The following PCDH17 variants were observed in gnomAD, a reference collection of about 807,000 sequenced individuals.
PCDH17 encodes the protein protocadherin 17, also known as protocadherin-17.
PCDH17 carries 21 observed loss-of-function variants against 67.7 expected under a neutral mutation model. The ratio of observed to expected loss-of-function variants is 0.31; its 90% CI spans 0.22 to 0.45. The LOEUF is 0.45. Ranked by LOEUF, PCDH17 falls within the 20% of genes least tolerant of loss-of-function variation. The pLI is 1.00. For synonymous variants in PCDH17, 701 were observed against 656.7 expected, an observed-to-expected ratio of 1.07 and a Z score of -1.03; for missense variants, 1,471 against 1,564.8, an observed-to-expected ratio of 0.94 and a Z score of 1.01.
intron 3 of PCDH17, among the ~76,000 whole-genome samples, chr13:57,688,744 A>G (rs1955530074): frequency 6.6e-6 from 1 of 152,074 alleles, no homozygotes; most frequent in South Asian, 2.1e-4. Flanking sequence ...TGACTCAGTA[A>G]TAATACCAGC....
chr13:57,660,341 G>C (rs1035986612), intron 1 of PCDH17, among the ~76,000 whole-genome samples: 1 of 152,036 alleles, frequency 6.6e-6, no homozygotes, highest in African/African-American at 2.4e-5. Context: ...TTTGTATTCT[G>C]TCCAAATAAA....
At chr13:57,659,497 TATA>T (rs985443462) in intron 1 of PCDH17, among the ~76,000 whole-genome samples, 2 of 152,234 alleles carry the variant, frequency 1.3e-5, no homozygotes, top group South Asian at 2.1e-4. Context: ...ATTAAAAACT[TATA>T]ATGAGAATTG....
chr13:57,636,306 G>A (rs1259285795), intron 1 of PCDH17, among the ~76,000 whole-genome samples: 4 of 152,156 alleles, frequency 2.6e-5, no homozygotes, highest in Non-Finnish European at 5.9e-5. Context: ...AGGAAGATTA[G>A]TTTGGGGCAA....
intron 1 of PCDH17, among the ~76,000 whole-genome samples, chr13:57,641,859 C>T (rs1476251004): frequency 6.6e-6 from 1 of 150,854 alleles, no homozygotes; most frequent in Non-Finnish European, 1.5e-5. Flanking sequence ...AATAAAAGAC[C>T]ATTTAAGTTA....
At chr13:57,709,890 G>A (rs1054068379) in intron 3 of PCDH17, 1 of 152,086 alleles carries the variant, frequency 6.6e-6, no homozygotes, top group Non-Finnish European at 1.5e-5. Context: ...AGCATAGTAA[G>A]TGAGTAATTT....
At chr13:57,643,533 T>C (rs1954929054) in intron 1 of PCDH17, among the ~76,000 whole-genome samples, 1 of 151,616 alleles carries the variant, frequency 6.6e-6, no homozygotes, top group African/African-American at 2.4e-5. Flanking sequence ...TAATAGTGTC[T>C]TCTTGGGTCC....
At chr13:57,668,016 T>C (rs1179151236) in intron 3 of PCDH17, among the ~76,000 whole-genome samples, 1 of 151,524 alleles carries the variant, frequency 6.6e-6, no homozygotes, top group African/African-American at 2.4e-5. Context: ...TAAGTAGTAA[T>C]TGCTAGACCG....
rs751627444 is a variant in PCDH17 at position 57,633,129 on chromosome 13, C to T, written c.583C>T (p.Leu195=). Residue 195 remains leucine, a synonymous_variant, in exon 1 of 4, where the codon CTG becomes TTG. Coordinates refer to ENST00000377918, the MANE Select transcript of PCDH17 (RefSeq NM_001040429.3). The surrounding 1 kb of genome is among the most constrained non-coding windows in gnomAD (Gnocchi z 6.2). ...CGGCGACGGCACCAAGTTCCCAGAA[C>T]TGGTCATCCAGAAGGCTCTGGACCG... ...SRGDGTKFPE[L]VIQKALDREQ... is the part of the protein sequence containing the mutation. 2 of 1,613,610 alleles carry T rather than the reference C, an allele frequency of 1.2e-6. No homozygotes were observed. The highest frequency in any genetic ancestry group is 2.2e-5 in the East Asian group (1 of 44,840).
intron 1 of PCDH17, among the ~76,000 whole-genome samples, chr13:57,656,420 C>T (rs1312884587): frequency 1.3e-5 from 2 of 151,888 alleles, no homozygotes; most frequent in African/African-American, 4.8e-5. Flanking sequence ...ACTCAGAATT[C>T]TTAGCAATAA....
At chr13:57,689,548 A>C (rs1955538250) in intron 3 of PCDH17, among the ~76,000 whole-genome samples, 1 of 152,076 alleles carries the variant, frequency 6.6e-6, no homozygotes, top group African/African-American at 2.4e-5. Context: ...CTTACAGTAA[A>C]GTACCAAACA....
intron 1 of PCDH17, among the ~76,000 whole-genome samples, chr13:57,641,577 AAAAAAAAAAAATATATATAT>A (rs1435347608): frequency 7.2e-4 from 56 of 77,502 alleles, no homozygotes; most frequent in African/African-American, 2.9e-3. Context: ...AAAAAAAAAA[AAAAAAAAAAAATATATATAT>A]ATATATATAT....
chr13:57,637,384 G>A (rs560438034), intron 1 of PCDH17, among the ~76,000 whole-genome samples: 5 of 150,522 alleles, frequency 3.3e-5, no homozygotes, highest in Non-Finnish European at 4.4e-5. Flanking sequence ...AATATATCAG[G>A]TTTATCTCAA....
At chr13:57,698,232 T>C (rs1389521256) in intron 3 of PCDH17, among the ~76,000 whole-genome samples, 2 of 151,476 alleles carry the variant, frequency 1.3e-5, no homozygotes, top group Non-Finnish European at 3.0e-5. Context: ...TATAAAGATA[T>C]ATACATATAG....
intron 3 of PCDH17, among the ~76,000 whole-genome samples, chr13:57,685,774 T>G (rs1566235182): frequency 1.3e-5 from 2 of 151,832 alleles, no homozygotes; most frequent in East Asian, 3.9e-4. Context: ...CGGTAATAAC[T>G]AAGGAAATCA....
intron 3 of PCDH17, among the ~76,000 whole-genome samples, chr13:57,681,961 A>C (rs1955454867): frequency 6.6e-6 from 1 of 151,820 alleles, no homozygotes; most frequent in African/African-American, 2.4e-5. Flanking sequence ...CAATGTACAA[A>C]ACTCTGTAGT....
intron 3 of PCDH17, among the ~76,000 whole-genome samples, chr13:57,699,508 A>T (rs953075388): frequency 2.0e-5 from 3 of 151,874 alleles, no homozygotes; most frequent in African/African-American, 4.8e-5. Flanking sequence ...TTGCATTTTC[A>T]TTCTGGATCC....
In PCDH17 at chr13:57,634,310, G is replaced by C. The variant is rs116693596; in HGVS notation, c.1764G>C (p.Leu588=). The C allele has an allele frequency of 1.9e-6, 3 of 1,612,904 alleles. No individual in the cohort carries two copies. The highest frequency in any genetic ancestry group is 2.5e-6 in the Non-Finnish European group (3 of 1,180,040). The change falls in exon 1 of 4, where the codon CTG becomes CTC. Residue 588 remains leucine, a synonymous_variant. Transcript: ENST00000377918. The surrounding 1 kb of genome is among the most constrained non-coding windows in gnomAD (Gnocchi z 7.8). The part of the protein sequence containing the change: ...DNAPVIVLPT[L]QNDTAELQVP... ...CGCCAGTGATCGTGCTCCCCACGCT[G>C]CAGAACGACACCGCGGAGCTGCAGG...
intron 3 of PCDH17, among the ~76,000 whole-genome samples, chr13:57,703,794 A>G (rs1955690505): frequency 6.6e-6 from 1 of 152,132 alleles, no homozygotes; most frequent in Admixed American, 6.6e-5. Context: ...TTTGTAAACT[A>G]AACTAGGAAT....
At chr13:57,709,033 T>C (rs557051170) in intron 3 of PCDH17, among the ~76,000 whole-genome samples, 89 of 151,702 alleles carry the variant, frequency 5.9e-4, no homozygotes, top group Non-Finnish European at 1.1e-3. Flanking sequence ...AGCATTTTCT[T>C]AATTTTGTAT....
Sources: gnomAD v4.1 joint callset for allele counts (sites outside exome capture counted in the v4.1 genomes callset) on GRCh38, gnomAD v4.1.1 for gene constraint, Gnocchi (gnomAD v3.1) non-coding constraint, MANE v1.5 for transcripts, NCBI Gene and HGNC (gene_info 2026-07-23, HGNC 2026-07-21) for gene names.